Variants in DGKK observed in about 807,000 individuals in gnomAD.
The protein encoded by DGKK is 142 kDa diacylglycerol kinase.
Under a neutral mutation model 92.2 loss-of-function variants are expected in DGKK, and 35 were observed. That is an observed-to-expected ratio of 0.38 (90% CI 0.29 to 0.50). The LOEUF (loss-of-function observed/expected upper bound fraction) is 0.50, where lower values mean the gene tolerates loss of function less well. DGKK is among the 20% of genes least tolerant of loss of function. The probability of loss-of-function intolerance (pLI) is 0.92; values close to 1 mark genes in which losing one functional copy is unlikely to be tolerated. For missense variants in DGKK, 910 were observed against 992.2 expected (o/e 0.92, Z 1.11); for synonymous variants, 368 against 360.6 (o/e 1.02, Z -0.23).
chrX:50,391,162 G>C (rs1569544338), intron 11 of DGKK, among the ~76,000 whole-genome samples: 1 of 110,924 alleles, frequency 9.0e-6, no homozygotes, highest in African/African-American at 3.3e-5. Flanking sequence ...CTGTTGCCCA[G>C]ACTGGAATGC....
chrX:50,447,328 A>ATATATATATAT (rs1688418640), intron 1 of DGKK, among the ~76,000 whole-genome samples: 1 of 19,311 alleles, frequency 5.2e-5, no homozygotes, highest in Non-Finnish European at 8.9e-5. Context: ...GTGTGTATGT[A>ATATATATATAT]TATATATATA....
chrX:50,407,778 C>A (rs1455077054), intron 4 of DGKK, among the ~76,000 whole-genome samples: 1 of 111,723 alleles, frequency 9.0e-6, no homozygotes, highest in Non-Finnish European at 1.9e-5. Context: ...GAAAGTGTGC[C>A]CTGCAGAGAA....
intron 24 of DGKK, 147 bp downstream of exon 24, chrX:50,375,877 A>G: frequency 1.5e-6 from 1 of 685,206 alleles, no homozygotes; most frequent in Non-Finnish European, 2.1e-6. Context: ...AAGTCAAGGA[A>G]TGCCTGCCTT....
intron 1 of DGKK, among the ~76,000 whole-genome samples, chrX:50,457,410 G>A (rs1557232965): frequency 1.8e-5 from 2 of 111,393 alleles, no homozygotes; most frequent in African/African-American, 3.3e-5. Context: ...CAAAAGTACC[G>A]CTAATTAATA....
At chrX:50,440,896 T>C (rs1926155115) in intron 1 of DGKK, among the ~76,000 whole-genome samples, 1 of 112,021 alleles carries the variant, frequency 8.9e-6, no homozygotes, top group Non-Finnish European at 1.9e-5. Flanking sequence ...GAAGTGAGTA[T>C]AGAGTAGGTG....
At chrX:50,409,190 TG>T (rs782144379) in intron 4 of DGKK, among the ~76,000 whole-genome samples, 1 of 110,923 alleles carries the variant, frequency 9.0e-6, no homozygotes, top group Non-Finnish European at 1.9e-5. Context: ...GAACACCATG[TG>T]AAGATACAGA....
At chrX:50,423,694 T>C (rs1925661087) in intron 2 of DGKK, among the ~76,000 whole-genome samples, 1 of 111,996 alleles carries the variant, frequency 8.9e-6, no homozygotes, top group South Asian at 3.7e-4. Context: ...ATACTACGCT[T>C]GTATGAGCTA....
At chrX:50,371,294 T>C (rs1343536671) in intron 26 of DGKK, among the ~76,000 whole-genome samples, 3 of 112,004 alleles carry the variant, frequency 2.7e-5, no homozygotes, top group Non-Finnish European at 3.8e-5. Context: ...CAGTATGGCC[T>C]GGGCACCAAC....
At chrX:50,447,402 T>TA (rs1160860668) in intron 1 of DGKK, among the ~76,000 whole-genome samples, 2 of 15,348 alleles carry the variant, frequency 1.3e-4, no homozygotes, top group African/African-American at 1.3e-3. Context: ...ATATTATATA[T>TA]ATATATAATA....
At chrX:50,436,957 C>T (rs1926043988) in intron 1 of DGKK, among the ~76,000 whole-genome samples, 1 of 111,776 alleles carries the variant, frequency 8.9e-6, no homozygotes, top group Non-Finnish European at 1.9e-5. Flanking sequence ...GCCATCATCA[C>T]TGGTAAAGAA....
intron 18 of DGKK, among the ~76,000 whole-genome samples, chrX:50,382,001 G>A (rs1557224482): frequency 8.9e-6 from 1 of 111,748 alleles, no homozygotes; most frequent in Non-Finnish European, 1.9e-5. Flanking sequence ...CTTAGGCCTT[G>A]TCTGAAGTAT....
intron 1 of DGKK, among the ~76,000 whole-genome samples, chrX:50,439,216 G>A (rs782186197): frequency 9.0e-6 from 1 of 111,456 alleles, no homozygotes; most frequent in South Asian, 3.8e-4. Flanking sequence ...AATACACTGA[G>A]GATTCTTATA....
At chrX:50,448,583 C>T (rs1557232225) in intron 1 of DGKK, among the ~76,000 whole-genome samples, 1 of 110,972 alleles carries the variant, frequency 9.0e-6, no homozygotes, top group African/African-American at 3.3e-5. Context: ...CTCAATAATG[C>T]ATGGAGGGCG....
intron 8 of DGKK, among the ~76,000 whole-genome samples, chrX:50,396,338 T>C (rs1235337320): frequency 8.9e-6 from 1 of 111,843 alleles, no homozygotes; most frequent in East Asian, 2.8e-4. Context: ...AGTGAGGATA[T>C]GGGGGCTGTA....
chrX:50,390,845 CT>C (rs1423401242), intron 11 of DGKK, among the ~76,000 whole-genome samples: 11 of 111,843 alleles, frequency 9.8e-5, no homozygotes, highest in African/African-American at 2.9e-4. Flanking sequence ...CATAGAAAGT[CT>C]TTTTTTCCTC....
At chrX:50,465,805 T>C (rs1327174867) in intron 1 of DGKK, among the ~76,000 whole-genome samples, 2 of 110,436 alleles carry the variant, frequency 1.8e-5, no homozygotes, top group African/African-American at 6.6e-5. Flanking sequence ...CAATAGAAAA[T>C]TCAATCATTA....
intron 12 of DGKK, 119 bp from the exon 13 acceptor site, chrX:50,388,737 T>C (rs1240374372): frequency 1.1e-5 from 5 of 446,571 alleles, no homozygotes; most frequent in Middle Eastern, 6.0e-4. Context: ...CTCAACTGCC[T>C]CTCTGGAAAT....
Position 50,470,569 on chromosome X carries a change from G to T in DGKK, c.110C>A (p.Pro37Gln), listed in dbSNP as rs1557234514. ...CAGCGGCGGAGCCGGCGGCGGAGCC[G>T]GTGGTGGTGGCGGCGGCGGCCAAGG... Reference protein sequence around the residue: ...PPPWPPPPPPPAPPPAPPLLS... With the variant: ...PPPWPPPPPPQAPPPAPPLLS... The change falls in exon 1 of 28, where the codon CCG becomes CAG. Residue 37 changes from proline to glutamine, a missense_variant. By Grantham distance (76) the Pro-to-Gln change is moderately conservative (BLOSUM62 -1). Coordinates refer to ENST00000611977, the MANE Select transcript of DGKK (RefSeq NM_001013742.4). The T allele has an allele frequency of 1.7e-6, 2 of 1,202,967 alleles. No homozygotes were observed. Among genetic ancestry groups the T allele is most frequent in the South Asian group, 1.8e-5 (1 of 56,760 alleles).
intron 7 of DGKK, 130 bp from the exon 8 acceptor site, chrX:50,401,269 C>T: frequency 1.7e-6 from 1 of 599,764 alleles, no homozygotes; most frequent in Non-Finnish European, 2.7e-6. Flanking sequence ...GATTTGGTGC[C>T]ATACATATAT....
Sources: gnomAD v4.1 joint callset for allele counts (sites outside exome capture counted in the v4.1 genomes callset) on GRCh38, gnomAD v4.1.1 for gene constraint, MANE v1.5 for transcripts, NCBI Gene and HGNC (gene_info 2026-07-23, HGNC 2026-07-21) for gene names.